Variants in NR2F1-AS1 observed in about 807,000 individuals in gnomAD.
The protein encoded by NR2F1-AS1 is NR2F1 regulatory antisense RNA 1, also known as NR2F1 antisense RNA 1.
chr5:93,461,573 A>T (rs904226593), intron 4 of NR2F1-AS1, among the ~76,000 whole-genome samples: 1 of 152,208 alleles, frequency 6.6e-6, no homozygotes, highest in African/African-American at 2.4e-5. Context: ...AAAAAAAATA[A>T]GAAAAAGTAT....
chr5:93,585,005 G>C, upstream of NR2F1-AS1: 1 of 993,750 alleles, frequency 1.0e-6, no homozygotes, highest in Non-Finnish European at 1.2e-6. Context: ...TCCCCCCAGC[G>C]CTCCCCGGGC....
At chr5:93,563,943 A>G (rs1192323838) in intron 1 of NR2F1-AS1, among the ~76,000 whole-genome samples, 5 of 151,532 alleles carry the variant, frequency 3.3e-5, no homozygotes, top group African/African-American at 1.2e-4. Flanking sequence ...TCTACTAACA[A>G]TACAAAAAAT....
chr5:93,486,776 T>C (rs1750726263), intron 4 of NR2F1-AS1, among the ~76,000 whole-genome samples: 1 of 152,110 alleles, frequency 6.6e-6, no homozygotes. Context: ...TACCAAAACC[T>C]GGCAGAGACA....
chr5:93,484,859 A>G (rs1452670963), intron 4 of NR2F1-AS1, among the ~76,000 whole-genome samples: 2 of 152,174 alleles, frequency 1.3e-5, no homozygotes, highest in African/African-American at 2.4e-5. Context: ...ATCAAAAGAG[A>G]CAAAGAAAGG....
At chr5:93,572,380 G>T (rs2149929236) in intron 1 of NR2F1-AS1, among the ~76,000 whole-genome samples, 1 of 152,324 alleles carries the variant, frequency 6.6e-6, no homozygotes, top group Admixed American at 6.5e-5. Flanking sequence ...TGGGTATCCA[G>T]CCCCACGTAG....
intron 1 of NR2F1-AS1, among the ~76,000 whole-genome samples, chr5:93,564,064 T>C (rs1301187472): frequency 8.3e-6 from 1 of 120,216 alleles, no homozygotes; most frequent in Non-Finnish European, 1.6e-5. Context: ...ATCACGCCAC[T>C]GTACTCCAGC....
intron 2 of NR2F1-AS1, among the ~76,000 whole-genome samples, chr5:93,559,474 A>G (rs1170849527): frequency 6.6e-6 from 1 of 152,134 alleles, no homozygotes. Context: ...AACACTTTTA[A>G]TTTCCTTCAA....
At chr5:93,413,626 A>T (rs1443538021) in intron 4 of NR2F1-AS1, among the ~76,000 whole-genome samples, 1 of 152,150 alleles carries the variant, frequency 6.6e-6, no homozygotes, top group Non-Finnish European at 1.5e-5. Context: ...TGCATGTATT[A>T]AATATCTGAG....
At chr5:93,444,406 T>G (rs1183057599) in intron 4 of NR2F1-AS1, among the ~76,000 whole-genome samples, 1 of 152,130 alleles carries the variant, frequency 6.6e-6, no homozygotes, top group Admixed American at 6.5e-5. Context: ...AATCCTAGTC[T>G]CTGATCAAAC....
intron 4 of NR2F1-AS1, among the ~76,000 whole-genome samples, chr5:93,527,374 T>G (rs1308898822): frequency 6.6e-6 from 1 of 152,226 alleles, no homozygotes; most frequent in Non-Finnish European, 1.5e-5. Context: ...AAACATTCCA[T>G]GCTCATGGAT....
At chr5:93,529,390 T>C (rs1751687564) in intron 4 of NR2F1-AS1, among the ~76,000 whole-genome samples, 1 of 152,172 alleles carries the variant, frequency 6.6e-6, no homozygotes, top group Non-Finnish European at 1.5e-5. Context: ...ACTGTCTTAG[T>C]AACGCTTGGA....
At chr5:93,564,552 A>C (rs1409476029) in intron 1 of NR2F1-AS1, among the ~76,000 whole-genome samples, 1 of 152,200 alleles carries the variant, frequency 6.6e-6, no homozygotes, top group East Asian at 1.9e-4. Flanking sequence ...GTATTTCCAC[A>C]TTATTTGTGC....
chr5:93,497,233 C>T (rs1242410462), intron 4 of NR2F1-AS1, among the ~76,000 whole-genome samples: 1 of 152,048 alleles, frequency 6.6e-6, no homozygotes, highest in Non-Finnish European at 1.5e-5. Context: ...ATGTGAAGGA[C>T]GTGCATGAAG....
intron 4 of NR2F1-AS1, among the ~76,000 whole-genome samples, chr5:93,517,593 T>G (rs1221708424): frequency 6.6e-6 from 1 of 152,072 alleles, no homozygotes; most frequent in Non-Finnish European, 1.5e-5. Flanking sequence ...AACTATGTAA[T>G]TGCAGAATAT....
At chr5:93,470,085 C>T (rs992705162) in intron 4 of NR2F1-AS1, among the ~76,000 whole-genome samples, 1 of 151,914 alleles carries the variant, frequency 6.6e-6, no homozygotes, top group South Asian at 2.1e-4. Context: ...TAAATATTTA[C>T]AGGACAGAAA....
At chr5:93,507,488 G>C (rs541919616) in intron 4 of NR2F1-AS1, among the ~76,000 whole-genome samples, 5 of 152,130 alleles carry the variant, frequency 3.3e-5, no homozygotes, top group Non-Finnish European at 5.9e-5. Flanking sequence ...CCCCCAAGTA[G>C]CTGGGATTAC....
chr5:93,425,318 T>A (rs1013752745), intron 4 of NR2F1-AS1, among the ~76,000 whole-genome samples: 1 of 152,180 alleles, frequency 6.6e-6, no homozygotes, highest in African/African-American at 2.4e-5. Context: ...GGGTGACCAC[T>A]CATCCTGCAG....
intron 4 of NR2F1-AS1, among the ~76,000 whole-genome samples, chr5:93,546,856 A>T (rs1353352323): frequency 1.3e-5 from 2 of 152,220 alleles, no homozygotes; most frequent in African/African-American, 4.8e-5. Context: ...ACTAACCTAG[A>T]TGTTACTGTG....
intron 4 of NR2F1-AS1, among the ~76,000 whole-genome samples, chr5:93,504,083 ATAAATTTTTAATTCTAATTTT>A (rs2149887275): frequency 6.6e-6 from 1 of 152,332 alleles, no homozygotes; most frequent in South Asian, 2.1e-4. Flanking sequence ...AAATTTAATA[ATAAATTTTTAATTCTAATTTT>A]TTGTTTCAGT....
Sources: gnomAD v4.1 joint callset for allele counts (sites outside exome capture counted in the v4.1 genomes callset) on GRCh38, gnomAD v4.1.1 for gene constraint, MANE v1.5 for transcripts, NCBI Gene and HGNC (gene_info 2026-07-23, HGNC 2026-07-21) for gene names.